Variants in AMZ2 observed in about 807,000 individuals in gnomAD.
AMZ2 encodes the protein archaemetzincin-2.
A neutral mutation model predicts 36.7 loss-of-function variants in AMZ2; 26 were observed. The ratio of observed to expected loss-of-function variants is 0.71; its 90% CI spans 0.52 to 0.98. The LOEUF is 0.98. Ranked by LOEUF, AMZ2 falls within the 50% of genes least tolerant of loss-of-function variation. The probability of loss-of-function intolerance (pLI) is 0.00; values close to 1 mark genes in which losing one functional copy is unlikely to be tolerated. For missense variants in AMZ2, 394 were observed against 430.5 expected (o/e 0.92, Z 0.75); for synonymous variants, 144 against 149.1 (o/e 0.97, Z 0.25).
intron 1 of AMZ2, among the ~76,000 whole-genome samples, chr17:68,227,450 G>C (rs1555730169): frequency 2.0e-5 from 3 of 152,228 alleles, no homozygotes; most frequent in Non-Finnish European, 4.4e-5. Context: ...GGTAGATTAA[G>C]ACAACAGAAA....
chr17:68,223,527 A>G (rs1327025731), intron 1 of AMZ2, among the ~76,000 whole-genome samples: 1 of 146,530 alleles, frequency 6.8e-6, no homozygotes, highest in Non-Finnish European at 1.5e-5. Context: ...AATTCTAACT[A>G]ATGGATTTTC....
chr17:68,209,686 A>G lies in AMZ2; in HGVS notation c.-67+3448A>G, dbSNP rs2072982530. ...TCTCAGGCTGGAGTGCAGTGACGTGATTCTGACTCATGGCAACCTCCACCT... is the reference window on the plus strand; with the variant it reads ...TCTCAGGCTGGAGTGCAGTGACGTGGTTCTGACTCATGGCAACCTCCACCT... On this transcript the variant is annotated intron_variant, in intron 1 of 7. Coordinates refer to the AMZ2 transcript ENST00000674770. Among the ~76,000 whole-genome samples the G allele has an allele frequency of 3.8e-5, 5 of 133,288 alleles. No homozygotes were observed. In the Admixed American group the frequency reaches 4.2e-4, roughly 11 times the overall value. The allele number at this position is 133,288 out of a possible 152,430, so 87.4% of individuals were successfully genotyped here. A position where few individuals can be genotyped will look rare whatever the true frequency, so the allele number is the denominator to read the frequency against.
At chr17:68,250,092 CT>C in intron 1 of AMZ2, 95 bp from the exon 2 acceptor site, 1 of 1,337,676 alleles carries the variant, frequency 7.5e-7, no homozygotes, top group South Asian at 1.4e-5. Flanking sequence ...AGTCATTTCA[CT>C]CTAGGGAGAA....
At position 68,228,866 on chromosome 17, in the gene AMZ2, G is replaced by A. The variant is rs578035385; in HGVS notation, c.-66-19774G>A. On this transcript the variant is annotated intron_variant, in intron 1 of 7. Coordinates refer to the AMZ2 transcript ENST00000674770. ...AAGCAGCCTACATCCACAGCGGGAT[G>A]CCTGCACTGCTGCTTCCGCGTGTGC... Among the ~76,000 whole-genome samples, 14 of 152,358 alleles carry A rather than the reference G, an allele frequency of 9.2e-5. No individual in the cohort carries two copies. In the East Asian group the frequency reaches 2.3e-3, roughly 25 times the overall value.
chr17:68,241,987 G>A (rs1342435523), intron 1 of AMZ2, among the ~76,000 whole-genome samples: 2 of 150,092 alleles, frequency 1.3e-5, no homozygotes, highest in Non-Finnish European at 3.0e-5. Flanking sequence ...TAAGTGATCC[G>A]CCTGCCTCAG....
chr17:68,255,773 C>T lies in AMZ2; in HGVS notation c.824C>T (p.Ser275Phe). The T allele has an allele frequency of 1.2e-6, 2 of 1,614,156 alleles. No individual in the cohort carries two copies. The highest frequency in any genetic ancestry group is 1.3e-5 in the African/African-American group (1 of 75,036). ...TGGCTTGCATGCCTCATGCAAGGCTCCAACCACTTGGAAGAAGCTGACCGG... is the reference window on the plus strand; with the variant it reads ...TGGCTTGCATGCCTCATGCAAGGCTTCAACCACTTGGAAGAAGCTGACCGG... The part of the protein sequence containing the change: ...CQWLACLMQG[S>F]NHLEEADRRP... Residue 275 changes from serine to phenylalanine, a missense_variant, in exon 6 of 7, where the codon TCC (serine) becomes TTC (phenylalanine). By Grantham distance (155) the Ser-to-Phe change is radical. Transcript: ENST00000359904.
At chr17:68,246,195 C>CAAAAAAAAAAAAAAAAAAAAAAAA (rs57477453), upstream of AMZ2, among the ~76,000 whole-genome samples, 4 of 83,826 alleles carry the variant, frequency 4.8e-5, no homozygotes, top group South Asian at 4.8e-4. Context: ...ACTAAAAATA[C>CAAAAAAAAAAAAAAAAAAAAAAAA]AAAAAAAAAA....
chr17:68,250,560 G>C, intron 2 of AMZ2, 90 bp downstream of exon 2: 1 of 1,475,304 alleles, frequency 6.8e-7, no homozygotes, highest in Non-Finnish European at 9.1e-7. Flanking sequence ...ATTCAGATGG[G>C]CCGTTTTAGG....
At chr17:68,234,791 A>G (rs1331873627) in intron 1 of AMZ2, among the ~76,000 whole-genome samples, 4 of 151,878 alleles carry the variant, frequency 2.6e-5, no homozygotes, top group Admixed American at 6.6e-5. Context: ...AAAAAAGAAA[A>G]AAAAAAAAAA....
At chr17:68,244,793 C>A (rs1268665558), upstream of AMZ2, among the ~76,000 whole-genome samples, 1 of 152,048 alleles carries the variant, frequency 6.6e-6, no homozygotes, top group African/African-American at 2.4e-5. Flanking sequence ...AACAGCTTGG[C>A]CAAATTAGCA....
intron 1 of AMZ2, among the ~76,000 whole-genome samples, chr17:68,231,131 A>G (rs552592130): frequency 2.0e-5 from 3 of 151,308 alleles, no homozygotes; most frequent in South Asian, 2.1e-4. Flanking sequence ...TGGTGTGACC[A>G]TGGCTCACTG....
At chr17:68,216,016 C>T (rs1459759113) in intron 1 of AMZ2, among the ~76,000 whole-genome samples, 5 of 152,226 alleles carry the variant, frequency 3.3e-5, no homozygotes, top group African/African-American at 1.2e-4. Flanking sequence ...CAGCCAAGAG[C>T]AACATTTAGT....
chr17:68,232,635 G>T (rs2073692804), intron 1 of AMZ2, among the ~76,000 whole-genome samples: 1 of 152,076 alleles, frequency 6.6e-6, no homozygotes. Context: ...TTGAAGTCAG[G>T]AGTTCGAGAC....
intron 1 of AMZ2, among the ~76,000 whole-genome samples, chr17:68,224,464 C>T (rs1291844306): frequency 6.6e-6 from 1 of 151,956 alleles, no homozygotes; most frequent in Non-Finnish European, 1.5e-5. Flanking sequence ...AACACCTATG[C>T]GGCAGTTTCA....
At chr17:68,227,404 C>T (rs575176420) in intron 1 of AMZ2, among the ~76,000 whole-genome samples, 1 of 152,340 alleles carries the variant, frequency 6.6e-6, no homozygotes, top group South Asian at 2.1e-4. Flanking sequence ...CCAGTGTATG[C>T]ACTTCCAGTG....
chr17:68,206,187 T>TA (rs1555724345), exon 1 of AMZ2: 1 of 1,305,448 alleles, frequency 7.7e-7, no homozygotes. Flanking sequence ...CGACGCCAGT[T>TA]ACTGCACAGA....
At position 68,254,562 on chromosome 17, in the gene AMZ2, T is replaced by C. The variant is rs782525652; in HGVS notation, c.745T>C (p.Cys249Arg). The change falls in exon 5 of 7, where the codon TGT (cysteine) becomes CGT (arginine). Residue 249 changes from cysteine to arginine, a missense_variant. Coordinates refer to ENST00000359904, the MANE Select transcript of AMZ2 (RefSeq NM_016627.5). ...EITSVLLLRS[C>R]KTLTHEIGHI... The stretch of plus-strand genomic sequence containing the variant: ...AACTAGTGTTTTACTACTTCGATCC[T>C]GTAAGGTAAGTTATTACAAAAATCT... 27 of 1,609,290 alleles carry C rather than the reference T, an allele frequency of 1.7e-5. No individual in the cohort carries two copies. Among genetic ancestry groups the C allele is most frequent in the Non-Finnish European group, 2.2e-5 (26 of 1,177,362 alleles).
intron 1 of AMZ2, chr17:68,207,069 A>G (rs1285312816): frequency 6.6e-6 from 1 of 152,238 alleles, no homozygotes; most frequent in African/African-American, 2.4e-5. Flanking sequence ...GTTTCGTGTC[A>G]CCTGTTGCAG....
At chr17:68,251,357 T>C (rs2074457110) in intron 4 of AMZ2, 179 bp downstream of exon 4, 1 of 657,834 alleles carries the variant, frequency 1.5e-6, no homozygotes, top group East Asian at 3.2e-5. Flanking sequence ...TAGGTTCTGG[T>C]TGGCCACTCA....
Sources: gnomAD v4.1 joint callset for allele counts (sites outside exome capture counted in the v4.1 genomes callset) on GRCh38, gnomAD v4.1.1 for gene constraint, MANE v1.5 for transcripts, NCBI Gene and HGNC (gene_info 2026-07-23, HGNC 2026-07-21) for gene names.